The following PDCD11 variants were observed in gnomAD, a reference collection of about 807,000 sequenced individuals.
The protein encoded by PDCD11 is programmed cell death 11.
PDCD11 carries 97 observed loss-of-function variants against 198.9 expected under a neutral mutation model. The ratio of observed to expected loss-of-function variants is 0.49; its 90% CI spans 0.41 to 0.58. The LOEUF (loss-of-function observed/expected upper bound fraction) is 0.58, where lower values mean the gene tolerates loss of function less well. PDCD11 is among the 20% of genes least tolerant of loss of function. The probability of loss-of-function intolerance (pLI) is 0.00; values close to 1 mark genes in which losing one functional copy is unlikely to be tolerated. For missense variants in PDCD11, 2,102 were observed against 2,312.7 expected, an observed-to-expected ratio of 0.91 and a Z score of 1.87; for synonymous variants, 893 against 918.0, an observed-to-expected ratio of 0.97 and a Z score of 0.49.
rs542600426 is a variant in PDCD11 at position 103,411,143 on chromosome 10, C to T, written c.978+1337C>T. ...TGTTGCCCAGACTGGTTTTGAACTC[C>T]GGGGCTCAAGGAGTCCCCCAACCTT... is the stretch of plus-strand genomic sequence containing the variant. On this transcript the variant is annotated intron_variant, in intron 8 of 35. Coordinates refer to ENST00000369797, the MANE Select transcript of PDCD11 (RefSeq NM_014976.2). Among the ~76,000 whole-genome samples the T allele has an allele frequency of 3.3e-5, 5 of 151,594 alleles. No homozygotes were observed. In the South Asian group the frequency reaches 8.5e-4, roughly 26 times the overall value.
rs2032053055 is a variant in PDCD11 at position 103,434,233 on chromosome 10, T to C, written c.3565-15T>C. The C allele has an allele frequency of 6.3e-7, 1 of 1,584,266 alleles. No individual in the cohort carries two copies. The highest frequency in any genetic ancestry group is 1.3e-5 in the African/African-American group (1 of 74,366). ...CCTTTCTTCAAGCATCACAGGAGTT[T>C]TTTTATCCTTCCAGGTTCTGAAGCA... On this transcript the variant is annotated splice_polypyrimidine_tract_variant and intron_variant, in intron 23 of 35. Transcript: ENST00000369797.
At position 103,400,383 on chromosome 10, in the gene PDCD11, C is replaced by T. The variant is rs927664943; in HGVS notation, c.103-14C>T. Reference sequence around the variant, plus strand: ...TCTTTTGGGTCTTTGTGGGCTCCCCCTACCCGCTTCTAGATTTCTACTGAA... The same window carrying T: ...TCTTTTGGGTCTTTGTGGGCTCCCCTTACCCGCTTCTAGATTTCTACTGAA... On this transcript the variant is annotated splice_polypyrimidine_tract_variant and intron_variant, in intron 2 of 35. Coordinates refer to ENST00000369797, the MANE Select transcript of PDCD11 (RefSeq NM_014976.2). The T allele has an allele frequency of 2.5e-6, 4 of 1,607,888 alleles. No individual in the cohort carries two copies. In the African/African-American group the frequency reaches 4.0e-5, roughly 16 times the overall value.
rs1267097786 is a variant in PDCD11, at chr10:103,413,182, T to A, written c.1045T>A (p.Phe349Ile). The change falls in exon 9 of 36, where the codon TTC (phenylalanine) becomes ATC (isoleucine). Residue 349 changes from phenylalanine to isoleucine, a missense_variant. Physicochemically the swap from Phe to Ile is conservative, Grantham distance 21 (BLOSUM62 0). Coordinates refer to ENST00000369797, the MANE Select transcript of PDCD11 (RefSeq NM_014976.2). ...TGTGCACCTGAGCCTGCGCCCCATC[T>A]TCCTACAGCCTGGACGCCCACTCAC... ...RVVHLSLRPIFLQPGRPLTRL... is the reference protein window; with the variant it reads ...RVVHLSLRPIILQPGRPLTRL... 6.2e-7 allele frequency: 1 copy of A among 1,614,068 alleles called. No homozygotes were observed. The highest frequency in any genetic ancestry group is 1.3e-5 in the African/African-American group (1 of 74,940).
chr10:103,445,574 T>C lies in PDCD11; in HGVS notation c.*25T>C. 6.2e-7 allele frequency: 1 copy of C among 1,606,186 alleles called. No homozygotes were observed. The highest frequency in any genetic ancestry group is 2.1e-4 in the Middle Eastern group (1 of 4,714). On this transcript the variant is annotated 3_prime_UTR_variant, in exon 36 of 36. Transcript: ENST00000369797. The stretch of plus-strand genomic sequence containing the variant: ...GTGGCAGGCTGGCTCTGTGGGACAC[T>C]GTCAACAATGGGCCAGCCCGGCCCC...
rs1030922719 is a variant in PDCD11 at position 103,443,214 on chromosome 10, A to G, written c.5005A>G (p.Asn1669Asp). Residue 1669 changes from asparagine (N) to aspartate (D), a missense_variant, in exon 33 of 36, where the codon AAC becomes GAC. Coordinates refer to ENST00000369797, the MANE Select transcript of PDCD11 (RefSeq NM_014976.2). ...NVWVALLNLENMYGSQESLTK... is the reference protein window; with the variant it reads ...NVWVALLNLEDMYGSQESLTK... ...GTGGGTGGCTCTGCTGAACCTGGAG[A>G]ACATGTACGGCTCTCAGGAGTCCCT... The G allele has an allele frequency of 6.2e-7, 1 of 1,608,566 alleles. No homozygotes were observed. The highest frequency in any genetic ancestry group is 1.3e-5 in the African/African-American group (1 of 74,926).
chr10:103,433,775 G>A (rs2032032535), intron 22 of PDCD11, among the ~76,000 whole-genome samples, 173 bp from the exon 23 acceptor site: 1 of 152,176 alleles, frequency 6.6e-6, no homozygotes, highest in African/African-American at 2.4e-5. Flanking sequence ...TGGAGTCTGA[G>A]GGAAGCTGGT....
intron 1 of PDCD11, among the ~76,000 whole-genome samples, chr10:103,397,952 T>G (rs1450778946): frequency 6.6e-6 from 1 of 152,216 alleles, no homozygotes; most frequent in African/African-American, 2.4e-5. Context: ...AAAAAGATCT[T>G]CTTTATGAAG....
chr10:103,416,574 C>T lies in PDCD11; in HGVS notation c.1602C>T (p.Thr534=). 6.2e-7 allele frequency: 1 copy of T among 1,614,220 alleles called. No individual in the cohort carries two copies. The highest frequency in any genetic ancestry group is 8.5e-7 in the Non-Finnish European group (1 of 1,180,028). Residue 534 remains threonine, a synonymous_variant, in exon 13 of 36, where the codon ACC becomes ACT. Transcript: ENST00000369797. The part of the protein sequence containing the change: ...TLIESKLPVI[T]CYADAKPGLQ... ...TTGAGTCCAAACTACCTGTCATTAC[C>T]TGCTATGCCGATGCCAAGCCTGGTC...
intron 21 of PDCD11, among the ~76,000 whole-genome samples, chr10:103,427,883 T>C (rs2031765553): frequency 6.6e-6 from 1 of 152,148 alleles, no homozygotes; most frequent in South Asian, 2.1e-4. Flanking sequence ...GCCTCTCAGA[T>C]TGATAGACCC....
At chr10:103,414,469 T>C in intron 11 of PDCD11, 139 bp downstream of exon 11, 1 of 626,618 alleles carries the variant, frequency 1.6e-6, no homozygotes, top group South Asian at 2.0e-5. Flanking sequence ...CTGACTAGAA[T>C]TTCTTTCTCT....
chr10:103,410,229 C>T (rs2030712348), intron 8 of PDCD11, among the ~76,000 whole-genome samples: 2 of 142,594 alleles, frequency 1.4e-5, no homozygotes, highest in East Asian at 2.0e-4. Context: ...AGCGAGACTC[C>T]ATCTCAAAAA....
At chr10:103,437,177 A>G (rs1355721152) in intron 25 of PDCD11, among the ~76,000 whole-genome samples, 2 of 152,030 alleles carry the variant, frequency 1.3e-5, no homozygotes, top group South Asian at 2.1e-4. Context: ...GGTCTTACTT[A>G]GTTGCCCAGG....
At position 103,400,540 on chromosome 10, in the gene PDCD11, T is replaced by C; in HGVS notation, c.234+12T>C. 6.2e-7 allele frequency: 1 copy of C among 1,606,580 alleles called. No individual in the cohort carries two copies. Among genetic ancestry groups the C allele is most frequent in the East Asian group, 2.2e-5 (1 of 44,820 alleles). ...TCCTTAGTGTTGAGGTTTGTTAAAGTTGGTTTTCATTTAAACAATCGACCT... is the reference window on the plus strand; with the variant it reads ...TCCTTAGTGTTGAGGTTTGTTAAAGCTGGTTTTCATTTAAACAATCGACCT... On this transcript the variant is annotated intron_variant, in intron 3 of 35. Transcript: ENST00000369797.
intron 7 of PDCD11, among the ~76,000 whole-genome samples, chr10:103,408,020 A>G (rs1177998166): frequency 6.6e-6 from 1 of 152,168 alleles, no homozygotes; most frequent in Non-Finnish European, 1.5e-5. Context: ...CACCTGGCCT[A>G]CTATGACCTT....
chr10:103,433,913 T>C, intron 22 of PDCD11, 35 bp from the exon 23 acceptor site: 1 of 1,494,930 alleles, frequency 6.7e-7, no homozygotes, highest in Non-Finnish European at 9.3e-7. Context: ...CTTGTATTTG[T>C]ATTTGCCCTA....
At chr10:103,421,665 TAAG>T in intron 17 of PDCD11, 98 bp downstream of exon 17, 1 of 1,057,570 alleles carries the variant, frequency 9.5e-7, no homozygotes, top group Non-Finnish European at 1.4e-6. Context: ...TCCCAGAACA[TAAG>T]AAAAAAAAAT....
intron 3 of PDCD11, among the ~76,000 whole-genome samples, chr10:103,402,597 C>T (rs1402240034): frequency 6.6e-6 from 1 of 152,030 alleles, no homozygotes; most frequent in Non-Finnish European, 1.5e-5. Context: ...TGCCACCATG[C>T]CCGGCTAATT....
chr10:103,398,968 T>G (rs544239442), intron 2 of PDCD11, among the ~76,000 whole-genome samples: 6 of 152,242 alleles, frequency 3.9e-5, no homozygotes, highest in Admixed American at 3.3e-4. Context: ...GACCCAATAT[T>G]GTGCCACTGC....
At position 103,422,910 on chromosome 10, in the gene PDCD11, A is replaced by G; in HGVS notation, c.2498-78A>G. ...CAGTGCTCCACTGTCCTCCGTGGTGATAGCACACTGCCAGAGGAAAAGAAC... is the reference window on the plus strand; with the variant it reads ...CAGTGCTCCACTGTCCTCCGTGGTGGTAGCACACTGCCAGAGGAAAAGAAC... On this transcript the variant is annotated intron_variant, in intron 17 of 35. Transcript: ENST00000369797. 3.1e-6 allele frequency: 4 copies of G among 1,304,634 alleles called. No homozygotes were observed. In the South Asian group the frequency reaches 6.5e-5, roughly 21 times the overall value. 80.8% of individuals were successfully genotyped at this position (1,304,634 alleles called of 1,614,324 possible). A position where few individuals can be genotyped will look rare whatever the true frequency, so the allele number is the denominator to read the frequency against.
Sources: allele counts gnomAD v4.1 joint callset (sites outside exome capture counted in the v4.1 genomes callset), GRCh38; gene constraint gnomAD v4.1.1; transcripts MANE v1.5; gene names NCBI Gene and HGNC (gene_info 2026-07-23, HGNC 2026-07-21).